Variants in SH3PXD2B observed in about 807,000 individuals in gnomAD.
SH3PXD2B encodes SH3 and PX domain-containing protein 2B.
SH3PXD2B carries 37 observed loss-of-function variants against 73.1 expected under a neutral mutation model. The observed-to-expected ratio is 0.51, with a 90% confidence interval of 0.39 to 0.67. The LOEUF is 0.67. Ranked by LOEUF, SH3PXD2B falls within the 30% of genes least tolerant of loss-of-function variation. The pLI is 0.00. For synonymous variants in SH3PXD2B, 457 were observed against 480.5 expected (o/e 0.95, Z 0.64); for missense variants, 1,053 against 1,197.8 (o/e 0.88, Z 1.78).
chr5:172,450,860 G>C (rs923223396), intron 1 of SH3PXD2B, among the ~76,000 whole-genome samples: 2 of 152,192 alleles, frequency 1.3e-5, no homozygotes, highest in Non-Finnish European at 2.9e-5. Context: ...TCTAGTGCAG[G>C]AAAGATGCTG....
At chr5:172,351,099 T>A (rs746879875) in intron 9 of SH3PXD2B, among the ~76,000 whole-genome samples, 3 of 152,340 alleles carry the variant, frequency 2.0e-5, no homozygotes, top group Middle Eastern at 3.4e-3. Context: ...CAAAAGGGAC[T>A]TCAATGAGTG....
chr5:172,384,556 T>A (rs1758017411), intron 4 of SH3PXD2B, among the ~76,000 whole-genome samples: 1 of 151,990 alleles, frequency 6.6e-6, no homozygotes, highest in Non-Finnish European at 1.5e-5. Context: ...TCTACTTCTG[T>A]CTCTAGGGAT....
chr5:172,439,584 CCTTGGGCCAACTCAAAT>C (rs1759495103), intron 1 of SH3PXD2B, among the ~76,000 whole-genome samples: 1 of 152,080 alleles, frequency 6.6e-6, no homozygotes, highest in Admixed American at 6.5e-5. Flanking sequence ...TAGCCATCTT[CCTTGGGCCAACTCAAAT>C]CTTGCAAAGT....
At chr5:172,441,656 C>T (rs144831131) in intron 1 of SH3PXD2B, among the ~76,000 whole-genome samples, 29 of 152,196 alleles carry the variant, frequency 1.9e-4, no homozygotes, top group Non-Finnish European at 3.2e-4. Context: ...GAAGGGTTGC[C>T]GAGAAACAGG....
Position 172,398,770 on chromosome 5 carries a change from T to C in SH3PXD2B, c.233-4131A>G, listed in dbSNP as rs183989556. ...TATTCCAACCTATGTGCTGTCTAAC[T>C]TGTTTTCTACACCATGGGGAGATTC... On this transcript the variant is annotated intron_variant, in intron 3 of 12. Coordinates refer to ENST00000311601, the MANE Select transcript of SH3PXD2B (RefSeq NM_001017995.3). Among the ~76,000 whole-genome samples the C allele has an allele frequency of 3.6e-3, 542 of 152,338 alleles. 2 individuals are homozygous for C. The highest frequency in any genetic ancestry group is 0.012 in the African/African-American group (481 of 41,580).
chr5:172,369,712 G>A lies in SH3PXD2B; in HGVS notation c.427+4078C>T, dbSNP rs373740387. The stretch of plus-strand genomic sequence containing the variant: ...GAACCCGGGAGGTGGAGGTTGCAGT[G>A]AGCCGAGATCGCACCACTGAACTCC... On this transcript the variant is annotated intron_variant, in intron 6 of 12. Transcript: ENST00000311601. Among the ~76,000 whole-genome samples the A allele has an allele frequency of 7.2e-5, 11 of 152,172 alleles. No individual in the cohort carries two copies. The East Asian group carries it at 1.5e-3, about 21-fold the overall frequency.
At chr5:172,428,345 C>T (rs1759151258) in intron 1 of SH3PXD2B, among the ~76,000 whole-genome samples, 1 of 152,214 alleles carries the variant, frequency 6.6e-6, no homozygotes, top group Non-Finnish European at 1.5e-5. Context: ...GTCACTGCCA[C>T]TAACGAGGCA....
chr5:172,379,819 C>T (rs1261004485), intron 5 of SH3PXD2B, among the ~76,000 whole-genome samples: 1 of 152,196 alleles, frequency 6.6e-6, no homozygotes, highest in East Asian at 1.9e-4. Flanking sequence ...GGCCACAAAG[C>T]CCAGGAGTGG....
chr5:172,439,238 G>GA (rs922645535), intron 1 of SH3PXD2B, among the ~76,000 whole-genome samples: 1,047 of 33,208 alleles, frequency 0.032, 47 homozygotes, highest in Admixed American at 0.16. Flanking sequence ...AGAAAAAACA[G>GA]AAAAAAAAAA....
intron 9 of SH3PXD2B, 122 bp from the exon 10 acceptor site, chr5:172,350,711 A>C: frequency 1.1e-6 from 1 of 920,122 alleles, no homozygotes; most frequent in Non-Finnish European, 1.7e-6. Context: ...GTGACTGCCC[A>C]GGGCAAGAGG....
intron 3 of SH3PXD2B, among the ~76,000 whole-genome samples, chr5:172,405,440 C>T (rs1758530075): frequency 1.3e-5 from 2 of 152,360 alleles, no homozygotes; most frequent in South Asian, 2.1e-4. Context: ...TCAGAGGGAT[C>T]TGAAGCCCTA....
chr5:172,335,332 G>A lies in SH3PXD2B; in HGVS notation c.*3037C>T, dbSNP rs1394595754. The A allele has an allele frequency of 1.3e-5, 15 of 1,195,922 alleles. No homozygotes were observed. The highest frequency in any genetic ancestry group is 9.4e-5 in the African/African-American group (6 of 63,600). 74.1% of individuals were successfully genotyped at this position (1,195,922 alleles called of 1,614,324 possible). A position where few individuals can be genotyped will look rare whatever the true frequency, so the allele number is the denominator to read the frequency against. On this transcript the variant is annotated 3_prime_UTR_variant, in exon 13 of 13. Transcript: ENST00000311601. Reference sequence around the variant, plus strand: ...GCAAGGGGCGGGGGGAAGAGGCACCGAAATTCAGAGGGAGGGTCACTTGAT... The same window carrying A: ...GCAAGGGGCGGGGGGAAGAGGCACCAAAATTCAGAGGGAGGGTCACTTGAT...
chr5:172,381,947 G>T, intron 5 of SH3PXD2B, 89 bp downstream of exon 5: 1 of 1,017,858 alleles, frequency 9.8e-7, no homozygotes. Flanking sequence ...ACCCACTTTT[G>T]GCTGCACTTT....
At chr5:172,370,676 G>C (rs2113347409) in intron 6 of SH3PXD2B, among the ~76,000 whole-genome samples, 1 of 152,322 alleles carries the variant, frequency 6.6e-6, no homozygotes, top group Non-Finnish European at 1.5e-5. Flanking sequence ...AAGTGGTTCA[G>C]AGAATGCATG....
At chr5:172,450,596 G>C (rs1253256207) in intron 1 of SH3PXD2B, among the ~76,000 whole-genome samples, 1 of 151,996 alleles carries the variant, frequency 6.6e-6, no homozygotes, top group East Asian at 1.9e-4. Context: ...TAAATATTCC[G>C]ACCATCCTGC....
chr5:172,356,052 G>GA (rs1472176740), intron 8 of SH3PXD2B, among the ~76,000 whole-genome samples: 2 of 152,166 alleles, frequency 1.3e-5, no homozygotes, highest in Non-Finnish European at 2.9e-5. Flanking sequence ...TGGAGGGAAG[G>GA]AGTAGGTGTC....
At chr5:172,325,354 G>T in exon 13 of SH3PXD2B, 1 of 1,535,368 alleles carries the variant, frequency 6.5e-7, no homozygotes. Flanking sequence ...CTTCCACAGG[G>T]CTCTCCAAGT....
intron 1 of SH3PXD2B, among the ~76,000 whole-genome samples, chr5:172,433,520 C>T (rs1759300819): frequency 6.6e-6 from 1 of 152,154 alleles, no homozygotes; most frequent in South Asian, 2.1e-4. Flanking sequence ...GTCTGTGGGG[C>T]ACTTTCTTGT....
In SH3PXD2B at chr5:172,357,922, C is replaced by T. The variant is rs553389426; in HGVS notation, c.667+851G>A. Among the ~76,000 whole-genome samples the T allele has an allele frequency of 7.2e-5, 11 of 152,258 alleles. No individual in the cohort carries two copies. In the South Asian group the frequency reaches 2.3e-3, roughly 32 times the overall value. ...TCTTAACAGTCAACTAAAAGCCAAACAAACTCAACTCTAGGTCAGGTATTG... is the reference window on the plus strand; with the variant it reads ...TCTTAACAGTCAACTAAAAGCCAAATAAACTCAACTCTAGGTCAGGTATTG... On this transcript the variant is annotated intron_variant, in intron 8 of 12. Transcript: ENST00000311601.
Sources: allele counts gnomAD v4.1 joint callset (sites outside exome capture counted in the v4.1 genomes callset), GRCh38; gene constraint gnomAD v4.1.1; transcripts MANE v1.5; gene names NCBI Gene and HGNC (gene_info 2026-07-23, HGNC 2026-07-21).